Variants in PIWIL3 observed in about 807,000 individuals in gnomAD.
PIWIL3 encodes the protein piwi like RNA-mediated gene silencing 3.
PIWIL3 carries 101 observed loss-of-function variants against 109.7 expected under a neutral mutation model. The observed-to-expected ratio is 0.92, with a 90% CI of 0.78 to 1.09. The LOEUF (loss-of-function observed/expected upper bound fraction) is 1.09, where lower values mean the gene tolerates loss of function less well. Ranked by LOEUF, PIWIL3 falls within the 50% of genes least tolerant of loss-of-function variation. The pLI is 0.00. For missense variants in PIWIL3, 1,031 were observed against 1,072.6 expected, an observed-to-expected ratio of 0.96 and a Z score of 0.54; for synonymous variants, 373 against 376.4, an observed-to-expected ratio of 0.99 and a Z score of 0.10.
At chr22:24,747,385 C>T (rs1411779466) in intron 12 of PIWIL3, among the ~76,000 whole-genome samples, 1 of 152,152 alleles carries the variant, frequency 6.6e-6, no homozygotes, top group Non-Finnish European at 1.5e-5. Context: ...CTCTCCAGGA[C>T]ATTAGAGTGA....
chr22:24,724,554 C>T (rs1390290650), intron 18 of PIWIL3, among the ~76,000 whole-genome samples: 1 of 152,024 alleles, frequency 6.6e-6, no homozygotes, highest in African/African-American at 2.4e-5. Context: ...CCTGCCTCAG[C>T]CTCCCGAGTA....
In PIWIL3 at chr22:24,762,410, A is replaced by G; in HGVS notation, c.90T>C (p.Pro30=). 6 of 1,613,616 alleles carry G rather than the reference A, an allele frequency of 3.7e-6. No individual in the cohort carries two copies. The highest frequency in any genetic ancestry group is 5.1e-6 in the Non-Finnish European group (6 of 1,179,784). Residue 30 remains proline, a synonymous_variant, in exon 2 of 21, where the codon CCT becomes CCC. Transcript: ENST00000616349. The part of the protein sequence containing the change: ...QQEAPGGPRA[P]GSATTQEPPQ... The stretch of plus-strand genomic sequence containing the variant: ...TTACAGGGCTCACTGTAGCTGATCC[A>G]GGTGCTCTGGGTCCCCCAGGTGCCT...
intron 12 of PIWIL3, among the ~76,000 whole-genome samples, chr22:24,741,022 C>G (rs766776469): frequency 7.9e-5 from 12 of 152,108 alleles, no homozygotes; most frequent in Non-Finnish European, 1.6e-4. Flanking sequence ...AAAATACTAG[C>G]TAAATGAATC....
Position 24,762,399 on chromosome 22 carries a change from G to A in PIWIL3, c.101C>T (p.Thr34Ile), listed in dbSNP as rs907686797. ...AGGAAACAACGTTACAGGGCTCACTGTAGCTGATCCAGGTGCTCTGGGTCC... is the reference window on the plus strand; with the variant it reads ...AGGAAACAACGTTACAGGGCTCACTATAGCTGATCCAGGTGCTCTGGGTCC... ...PGGPRAPGSA[T>I]TQEPPQLQST... The change falls in exon 2 of 21, where the codon ACA becomes ATA. Residue 34 changes from threonine to isoleucine, a missense_variant and splice_region_variant. By Grantham distance (89) the Thr-to-Ile change is moderately conservative (BLOSUM62 -1). Transcript: ENST00000616349. 1 of 1,612,796 alleles carries A rather than the reference G, an allele frequency of 6.2e-7. No homozygotes were observed. The highest frequency in any genetic ancestry group is 1.3e-5 in the African/African-American group (1 of 74,900).
intron 1 of PIWIL3, among the ~76,000 whole-genome samples, chr22:24,764,189 C>G (rs1157120140): frequency 6.6e-6 from 1 of 152,268 alleles, no homozygotes. Context: ...GCGCCGCCTC[C>G]GTCCGGCCGA....
chr22:24,765,928 AGT>A (rs1295945639), intron 1 of PIWIL3, among the ~76,000 whole-genome samples: 4 of 151,744 alleles, frequency 2.6e-5, no homozygotes, highest in African/African-American at 4.8e-5. Context: ...TTGTTAGTTT[AGT>A]GTGTGTGCAG....
At chr22:24,754,743 T>C (rs1281384213) in intron 7 of PIWIL3, 41 bp downstream of exon 7, 1 of 1,471,662 alleles carries the variant, frequency 6.8e-7, no homozygotes, top group Admixed American at 1.7e-5. Flanking sequence ...AAATCCTACG[T>C]TTAAGTCTGC....
At chr22:24,763,198 G>A (rs913545018) in intron 1 of PIWIL3, among the ~76,000 whole-genome samples, 2 of 150,572 alleles carry the variant, frequency 1.3e-5, no homozygotes, top group Admixed American at 6.6e-5. Flanking sequence ...AGGCTGGAGT[G>A]CAGTGGCGCA....
chr22:24,719,297 G>T lies in PIWIL3; in HGVS notation c.*175C>A. 1 of 382,644 alleles carries T rather than the reference G, an allele frequency of 2.6e-6. No individual in the cohort carries two copies. 23.7% of individuals were successfully genotyped at this position (382,644 alleles called of 1,614,324 possible). On this transcript the variant is annotated 3_prime_UTR_variant, in exon 21 of 21. Coordinates refer to ENST00000616349, the MANE Select transcript of PIWIL3 (RefSeq NM_001255975.1). ...TCAGTTCTCCTCTCTGGAAAAATCA[G>T]TCTGTGGTAGTATTGAGAGTAGAAC...
chr22:24,735,390 C>T (rs967384347), intron 13 of PIWIL3, among the ~76,000 whole-genome samples: 7 of 152,158 alleles, frequency 4.6e-5, no homozygotes, highest in African/African-American at 1.7e-4. Context: ...CTCTAATCTC[C>T]TCTTACTTTT....
chr22:24,758,638 C>T (rs1362346892), intron 3 of PIWIL3, among the ~76,000 whole-genome samples: 5 of 152,210 alleles, frequency 3.3e-5, no homozygotes, highest in Admixed American at 6.5e-5. Flanking sequence ...ATGGCCAAGA[C>T]GTCTGTGCCT....
rs57298578 is a variant in PIWIL3 at position 24,757,659 on chromosome 22, TACACACACACACACACACAC to T, written c.355+229_355+248del. On this transcript the variant is annotated intron_variant, in intron 4 of 20. Coordinates refer to ENST00000616349, the MANE Select transcript of PIWIL3 (RefSeq NM_001255975.1). The stretch of plus-strand genomic sequence containing the variant: ...ACACATATATAAAATATGTATATAT[TACACACACACACACACACAC>T]ACACACACACACACACACACATTCG... 2.0e-3 allele frequency among the ~76,000 whole-genome samples: 215 copies of T among 109,886 alleles called. 1 individual carries two copies. The highest frequency in any genetic ancestry group is 3.4e-3 in the Non-Finnish European group (179 of 51,966). The allele number at this position is 109,886 out of a possible 152,430, so 72.1% of individuals were successfully genotyped here.
intron 1 of PIWIL3, among the ~76,000 whole-genome samples, chr22:24,764,625 CGTGTGTGTGTGTGTGTGTGTGTGTGTGT>C (rs140531011): frequency 3.0e-5 from 4 of 134,622 alleles, no homozygotes; most frequent in African/African-American, 8.7e-5. Context: ...TTGACCTTGC[CGTGTGTGTGTGTGTGTGTGTGTGTGTGT>C]GTGTGTGTGT....
At chr22:24,749,115 C>T (rs1924550164) in intron 11 of PIWIL3, 94 bp from the exon 12 acceptor site, 5 of 1,026,618 alleles carry the variant, frequency 4.9e-6, no homozygotes, top group African/African-American at 1.6e-5. Context: ...CCAAGGTTCA[C>T]CATCACTTGT....
intron 2 of PIWIL3, chr22:24,761,816 A>C: frequency 2.9e-6 from 1 of 348,640 alleles, no homozygotes; most frequent in Non-Finnish European, 4.0e-6. Flanking sequence ...CAGGAGGAGG[A>C]ATTGAGGTTG....
intron 12 of PIWIL3, among the ~76,000 whole-genome samples, chr22:24,747,390 G>A (rs934183171): frequency 6.6e-6 from 1 of 152,116 alleles, no homozygotes; most frequent in African/African-American, 2.4e-5. Flanking sequence ...CAGGACATTA[G>A]AGTGAGCAAA....
At chr22:24,719,993 A>C in intron 19 of PIWIL3, 98 bp from the exon 20 acceptor site, 1 of 1,027,474 alleles carries the variant, frequency 9.7e-7, no homozygotes. Context: ...AATTGCTTAC[A>C]AAAATCTATT....
chr22:24,751,503 G>A lies in PIWIL3; in HGVS notation c.978-5C>T, dbSNP rs79586320. 9 of 1,606,706 alleles carry A rather than the reference G, an allele frequency of 5.6e-6. No individual in the cohort carries two copies. In the East Asian group the frequency reaches 1.8e-4, roughly 32 times the overall value. On this transcript the variant is annotated splice_polypyrimidine_tract_variant and splice_region_variant and intron_variant, in intron 8 of 20. Transcript: ENST00000616349. ...CTGTAGGTTTTGTTGTTGTATCTGT[G>A]GAATAATTACAATATGGTATTATTT...
At chr22:24,751,565 T>C (rs888058386) in intron 8 of PIWIL3, 67 bp from the exon 9 acceptor site, 44 of 1,560,810 alleles carry the variant, frequency 2.8e-5, no homozygotes, top group Non-Finnish European at 3.3e-5. Context: ...ACACAGAAAA[T>C]AGACATTTTT....
Sources: gnomAD v4.1 joint callset for allele counts (sites outside exome capture counted in the v4.1 genomes callset) on GRCh38, gnomAD v4.1.1 for gene constraint, MANE v1.5 for transcripts, NCBI Gene and HGNC (gene_info 2026-07-23, HGNC 2026-07-21) for gene names.